The following CDH20 variants were observed in gnomAD, a reference collection of about 807,000 sequenced individuals.
CDH20 encodes cadherin-20.
A neutral mutation model predicts 74.2 loss-of-function variants in CDH20; 29 were observed. The observed-to-expected ratio is 0.39, with a 90% CI of 0.29 to 0.53. The LOEUF (loss-of-function observed/expected upper bound fraction) is 0.53. Ranked by LOEUF, CDH20 falls within the 20% of genes least tolerant of loss-of-function variation. The pLI, the probability that CDH20 is intolerant of heterozygous loss-of-function variation, is 0.69. For synonymous variants in CDH20, 469 were observed against 405.4 expected, an observed-to-expected ratio of 1.16 and a Z score of -1.88; for missense variants, 988 against 1,048.3, an observed-to-expected ratio of 0.94 and a Z score of 0.79.
intron 1 of CDH20, among the ~76,000 whole-genome samples, chr18:61,407,661 A>C (rs1489043252): frequency 6.6e-6 from 1 of 152,110 alleles, no homozygotes; most frequent in Non-Finnish European, 1.5e-5. Flanking sequence ...TGAGAAGGAC[A>C]CAACGTCACT....
chr18:61,546,515 T>C (rs1426096870), intron 10 of CDH20, among the ~76,000 whole-genome samples: 2 of 152,212 alleles, frequency 1.3e-5, no homozygotes, highest in Non-Finnish European at 2.9e-5. Flanking sequence ...TATTCATTTA[T>C]CTGCTTCATA....
chr18:61,458,898 T>C (rs1355113125), intron 1 of CDH20, among the ~76,000 whole-genome samples: 1 of 152,236 alleles, frequency 6.6e-6, no homozygotes, highest in African/African-American at 2.4e-5. Flanking sequence ...GTTGGCTTGT[T>C]GATTTCTTTT....
intron 8 of CDH20, among the ~76,000 whole-genome samples, chr18:61,537,448 G>T (rs903175284): frequency 6.6e-6 from 1 of 152,108 alleles, no homozygotes; most frequent in Non-Finnish European, 1.5e-5. Flanking sequence ...AATAATAGGA[G>T]ACTAAATAAA....
At chr18:61,360,362 T>C (rs771823735) in intron 1 of CDH20, among the ~76,000 whole-genome samples, 2 of 152,082 alleles carry the variant, frequency 1.3e-5, no homozygotes, top group Non-Finnish European at 2.9e-5. Flanking sequence ...GGGGGAAAAA[T>C]GCATTAATGA....
intron 6 of CDH20, among the ~76,000 whole-genome samples, chr18:61,514,423 T>A (rs1000602121): frequency 1.1e-4 from 17 of 152,338 alleles, no homozygotes; most frequent in Admixed American, 7.2e-4. Flanking sequence ...CAAAGTTTTC[T>A]ACTTCTTTGC....
intron 1 of CDH20, among the ~76,000 whole-genome samples, chr18:61,348,464 C>G (rs772053791): frequency 3.3e-5 from 5 of 152,166 alleles, no homozygotes; most frequent in African/African-American, 4.8e-5. Context: ...CCAGCTGAGT[C>G]ATAACCTGCT....
intron 9 of CDH20, among the ~76,000 whole-genome samples, chr18:61,540,736 G>C (rs1217939102): frequency 1.3e-5 from 2 of 152,180 alleles, no homozygotes; most frequent in Non-Finnish European, 2.9e-5. Context: ...CCTGGGAGTA[G>C]TACCTCCAGC....
At chr18:61,495,083 A>AT (rs1911088722) in intron 2 of CDH20, among the ~76,000 whole-genome samples, 1 of 152,102 alleles carries the variant, frequency 6.6e-6, no homozygotes. Context: ...TGCCTAAAAT[A>AT]TTTTTTTAGG....
chr18:61,443,617 C>T (rs2144322876), intron 1 of CDH20, among the ~76,000 whole-genome samples: 1 of 152,194 alleles, frequency 6.6e-6, no homozygotes, highest in Admixed American at 6.5e-5. Context: ...ACAGGGAGCC[C>T]ACAAAAGAAT....
At chr18:61,488,450 C>T (rs921818637) in intron 1 of CDH20, among the ~76,000 whole-genome samples, 3 of 152,110 alleles carry the variant, frequency 2.0e-5, no homozygotes, top group Admixed American at 1.3e-4. Context: ...TAGTCATTTA[C>T]AGGGCACTTT....
chr18:61,386,813 A>G (rs1568120316), intron 1 of CDH20, among the ~76,000 whole-genome samples: 1 of 152,226 alleles, frequency 6.6e-6, no homozygotes. Context: ...AAATTAAAAA[A>G]GGATAGAATA....
At chr18:61,411,634 C>G (rs1912511597) in intron 1 of CDH20, among the ~76,000 whole-genome samples, 1 of 47,758 alleles carries the variant, frequency 2.1e-5, no homozygotes, top group African/African-American at 8.1e-5. Flanking sequence ...GATATGTATC[C>G]ACACACACAC....
intron 1 of CDH20, among the ~76,000 whole-genome samples, chr18:61,425,782 C>T (rs940188402): frequency 6.6e-6 from 1 of 152,110 alleles, no homozygotes; most frequent in Non-Finnish European, 1.5e-5. Context: ...CACGAAAAAC[C>T]TCAGAAATAA....
intron 1 of CDH20, among the ~76,000 whole-genome samples, chr18:61,424,266 A>G (rs902947561): frequency 1.4e-4 from 21 of 152,220 alleles, no homozygotes; most frequent in African/African-American, 5.1e-4. Flanking sequence ...GAAATATACA[A>G]TAGATTATTG....
chr18:61,524,984 G>A (rs187742793), intron 6 of CDH20, among the ~76,000 whole-genome samples: 1 of 150,522 alleles, frequency 6.6e-6, no homozygotes, highest in African/African-American at 2.4e-5. Context: ...CTAAGTGAAA[G>A]AACCCTAACT....
intron 1 of CDH20, among the ~76,000 whole-genome samples, chr18:61,447,856 A>AG (rs1048135272): frequency 1.4e-4 from 21 of 152,108 alleles, no homozygotes; most frequent in African/African-American, 5.1e-4. Flanking sequence ...TCCTCTTTTC[A>AG]GTAACATTCT....
intron 7 of CDH20, among the ~76,000 whole-genome samples, chr18:61,536,103 T>C (rs1194166857): frequency 6.6e-6 from 1 of 152,198 alleles, no homozygotes; most frequent in South Asian, 2.1e-4. Flanking sequence ...TAGTTTCAGA[T>C]TAGCATTTGA....
chr18:61,470,415 T>C (rs1420309783), intron 1 of CDH20, among the ~76,000 whole-genome samples: 1 of 152,266 alleles, frequency 6.6e-6, no homozygotes, highest in African/African-American at 2.4e-5. Flanking sequence ...CAATTTGTTC[T>C]GGCAATTATT....
chr18:61,521,437 C>T lies in CDH20; in HGVS notation c.1018-6530C>T, dbSNP rs114646747. Reference sequence around the variant, plus strand: ...CTGAAATTGAGGCAATAATTGAGGCCTACCAACCAAAAAAGCCCAGGATGA... The same window carrying T: ...CTGAAATTGAGGCAATAATTGAGGCTTACCAACCAAAAAAGCCCAGGATGA... On this transcript the variant is annotated intron_variant, in intron 6 of 11. Coordinates refer to ENST00000262717, the MANE Select transcript of CDH20 (RefSeq NM_031891.4). 7.6e-3 allele frequency among the ~76,000 whole-genome samples: 1,151 copies of T among 151,148 alleles called. 74 individuals are homozygous for T. Among genetic ancestry groups the T allele is most frequent in the African/African-American group, 0.027 (1,082 of 40,684 alleles).
Sources: gnomAD v4.1 joint callset for allele counts (sites outside exome capture counted in the v4.1 genomes callset) on GRCh38, gnomAD v4.1.1 for gene constraint, MANE v1.5 for transcripts, NCBI Gene and HGNC (gene_info 2026-07-23, HGNC 2026-07-21) for gene names.